FBXL13: variants seen among roughly 807,000 people sequenced by gnomAD.
FBXL13 encodes F-box and leucine rich repeat protein 13, also known as F-box and leucine-rich repeat protein 13.
FBXL13 carries 67 observed loss-of-function variants against 83.6 expected under a neutral mutation model. The ratio of observed to expected loss-of-function variants is 0.80; its 90% CI spans 0.66 to 0.98. The LOEUF (loss-of-function observed/expected upper bound fraction) is 0.98, where lower values mean the gene tolerates loss of function less well. FBXL13 is among the 50% of genes least tolerant of loss of function. The pLI, the probability that FBXL13 is intolerant of heterozygous loss-of-function variation, is 0.00. For missense variants in FBXL13, 822 were observed against 866.5 expected, an observed-to-expected ratio of 0.95 and a Z score of 0.64; for synonymous variants, 272 against 299.5, an observed-to-expected ratio of 0.91 and a Z score of 0.95.
intron 5 of FBXL13, among the ~76,000 whole-genome samples, chr7:103,026,167 T>A (rs1477767498): frequency 6.6e-6 from 1 of 152,048 alleles, no homozygotes; most frequent in Non-Finnish European, 1.5e-5. Flanking sequence ...AGAAGGAGTT[T>A]CGCTTTTGTC....
rs550668666 is a variant in FBXL13 at position 103,032,376 on chromosome 7, T to A, written c.1-2958A>T. 8.9e-4 allele frequency among the ~76,000 whole-genome samples: 135 copies of A among 152,286 alleles called. 2 individuals carry two copies. The highest frequency in any genetic ancestry group is 3.1e-3 in the African/African-American group (127 of 41,566). Reference sequence around the variant, plus strand: ...ACATCATGACATTTCATCCCCCAAATCTCATAATATCCATCTCTTAAAAAA... The same window carrying A: ...ACATCATGACATTTCATCCCCCAAAACTCATAATATCCATCTCTTAAAAAA... On this transcript the variant is annotated intron_variant, in intron 2 of 19. Transcript: ENST00000313221.
At chr7:103,023,004 C>T (rs975872751) in intron 6 of FBXL13, among the ~76,000 whole-genome samples, 5 of 152,146 alleles carry the variant, frequency 3.3e-5, no homozygotes, top group African/African-American at 4.8e-5. Flanking sequence ...TAGCCAGGCA[C>T]GGTGGCTCAT....
chr7:103,001,343 G>T, intron 6 of FBXL13, among the ~76,000 whole-genome samples: 1 of 152,072 alleles, frequency 6.6e-6, no homozygotes, highest in Admixed American at 6.5e-5. Flanking sequence ...GTATATATCT[G>T]GGTCTTTAAA....
intron 8 of FBXL13, among the ~76,000 whole-genome samples, chr7:102,938,762 A>C (rs1268430210): frequency 6.6e-6 from 1 of 152,232 alleles, no homozygotes; most frequent in Admixed American, 6.5e-5. Flanking sequence ...CTAAGGTAAA[A>C]GAACTAAAGA....
intron 14 of FBXL13, among the ~76,000 whole-genome samples, chr7:102,882,648 G>A (rs766690311): frequency 6.6e-6 from 1 of 152,110 alleles, no homozygotes; most frequent in African/African-American, 2.4e-5. Flanking sequence ...TGTAATCTCA[G>A]CTACTCAGGA....
At chr7:102,876,471 A>G (rs1809277185) in intron 16 of FBXL13, among the ~76,000 whole-genome samples, 1 of 152,188 alleles carries the variant, frequency 6.6e-6, no homozygotes, top group Non-Finnish European at 1.5e-5. Context: ...GCTGAATCCA[A>G]GTTCATTCAT....
intron 18 of FBXL13, among the ~76,000 whole-genome samples, chr7:102,827,941 T>C (rs1261691258): frequency 1.3e-5 from 2 of 152,332 alleles, no homozygotes; most frequent in Admixed American, 6.5e-5. Context: ...CATTGGTCTA[T>C]ATCTCTGTTT....
At chr7:102,834,114 G>C (rs1225128014) in intron 17 of FBXL13, among the ~76,000 whole-genome samples, 2 of 113,746 alleles carry the variant, frequency 1.8e-5, no homozygotes, top group Admixed American at 7.9e-5. Context: ...AAGAAAGAAA[G>C]AAAGAAAGAA....
chr7:102,933,788 G>A (rs765310457), intron 8 of FBXL13: 2 of 992,368 alleles, frequency 2.0e-6, no homozygotes, highest in South Asian at 1.8e-5. Flanking sequence ...GGGACTCCAC[G>A]TACCCCAGCT....
chr7:102,875,450 G>C (rs117657913), intron 16 of FBXL13, among the ~76,000 whole-genome samples: 2,457 of 152,152 alleles, frequency 0.016, 29 homozygotes, highest in Non-Finnish European at 0.025. Context: ...CATCATATGG[G>C]GGGTCTGTTC....
At chr7:103,033,904 C>G (rs1340905927) in intron 2 of FBXL13, among the ~76,000 whole-genome samples, 1 of 152,150 alleles carries the variant, frequency 6.6e-6, no homozygotes, top group Non-Finnish European at 1.5e-5. Context: ...GGTGTGTTTA[C>G]AATCCCTGAG....
At chr7:102,896,039 G>A (rs1225346956) in intron 11 of FBXL13, among the ~76,000 whole-genome samples, 1 of 152,226 alleles carries the variant, frequency 6.6e-6, no homozygotes, top group Non-Finnish European at 1.5e-5. Context: ...GTGAAACCCT[G>A]CAGCATGAGC....
Position 102,852,556 on chromosome 7 carries a change from A to G in FBXL13, c.1719+2221T>C, listed in dbSNP as rs572896442. Among the ~76,000 whole-genome samples, 8 of 152,354 alleles carry G rather than the reference A, an allele frequency of 5.3e-5. No homozygotes were observed. In the East Asian group the frequency reaches 1.5e-3, roughly 29 times the overall value. On this transcript the variant is annotated intron_variant, in intron 17 of 19. Transcript: ENST00000313221. ...GAACAGACAATTCTCAAAAGAAGCT[A>G]TACAAATGTCTAACAAACATATGAA...
chr7:102,893,173 C>T (rs1811750747), intron 11 of FBXL13, among the ~76,000 whole-genome samples: 1 of 152,226 alleles, frequency 6.6e-6, no homozygotes, highest in Non-Finnish European at 1.5e-5. Context: ...AAGGACCAGA[C>T]TTCTACTTCC....
intron 6 of FBXL13, among the ~76,000 whole-genome samples, chr7:102,995,478 C>CAAAAAAAAAAA (rs1158263069): frequency 3.5e-5 from 1 of 28,602 alleles, no homozygotes; most frequent in African/African-American, 1.6e-4. Context: ...GACTCCATCT[C>CAAAAAAAAAAA]AAAAAAAAAA....
intron 16 of FBXL13, among the ~76,000 whole-genome samples, chr7:102,862,203 C>T (rs1055697651): frequency 4.6e-5 from 7 of 151,566 alleles, no homozygotes; most frequent in South Asian, 2.1e-4. Context: ...ATTAGCCAGG[C>T]GTGTAGTCCC....
chr7:102,950,537 G>A (rs1439339095), intron 8 of FBXL13, among the ~76,000 whole-genome samples: 5 of 152,150 alleles, frequency 3.3e-5, no homozygotes, highest in Admixed American at 6.5e-5. Flanking sequence ...GAAAGCTTAT[G>A]TCTACATAAA....
intron 6 of FBXL13, among the ~76,000 whole-genome samples, chr7:102,986,017 G>GCCCC (rs112694559): frequency 1.4e-5 from 2 of 147,830 alleles, no homozygotes; most frequent in African/African-American, 5.0e-5. Flanking sequence ...CTGGCACGAT[G>GCCCC]CCCCCCCCCC....
At chr7:103,030,338 T>C (rs1453324582) in intron 2 of FBXL13, among the ~76,000 whole-genome samples, 1 of 152,204 alleles carries the variant, frequency 6.6e-6, no homozygotes, top group Non-Finnish European at 1.5e-5. Context: ...TCCTCACTTT[T>C]GATGGAGATT....
Sources: gnomAD v4.1 joint callset for allele counts (sites outside exome capture counted in the v4.1 genomes callset) on GRCh38, gnomAD v4.1.1 for gene constraint, MANE v1.5 for transcripts, NCBI Gene and HGNC (gene_info 2026-07-23, HGNC 2026-07-21) for gene names.